Variants in RIPOR2 observed in about 807,000 individuals in gnomAD.
The protein encoded by RIPOR2 is RHO family interacting cell polarization regulator 2.
RIPOR2 carries 39 observed loss-of-function variants against 114.5 expected under a neutral mutation model. The ratio of observed to expected loss-of-function variants is 0.34; its 90% CI spans 0.26 to 0.44. RIPOR2 has a LOEUF of 0.44. Among genes scored for constraint, RIPOR2 ranks in the 20% least tolerant of loss-of-function variants. The pLI is 1.00. For missense variants in RIPOR2, 1,007 were observed against 1,255.1 expected (o/e 0.80, Z 2.99); for synonymous variants, 445 against 484.4 (o/e 0.92, Z 1.07).
At chr6:24,845,284 C>T (rs9467330) in intron 12 of RIPOR2, among the ~76,000 whole-genome samples, 3,728 of 152,132 alleles carry the variant, frequency 0.025, 77 homozygotes, top group East Asian at 0.086. Flanking sequence ...TCTTCCCTCC[C>T]GTATTTGCAC....
At chr6:24,875,125 A>G (rs1765590911) in intron 2 of RIPOR2, among the ~76,000 whole-genome samples, 1 of 152,250 alleles carries the variant, frequency 6.6e-6, no homozygotes, top group South Asian at 2.1e-4. Context: ...AATACAGGTT[A>G]AAGCACATAG....
chr6:24,943,554 C>T (rs773964274), intron 1 of RIPOR2, among the ~76,000 whole-genome samples: 4 of 152,206 alleles, frequency 2.6e-5, no homozygotes, highest in Non-Finnish European at 2.9e-5. Context: ...TGGCCAGTAT[C>T]GACTTTTGCA....
At chr6:24,989,990 C>A (rs1187741227) in intron 1 of RIPOR2, among the ~76,000 whole-genome samples, 2 of 151,860 alleles carry the variant, frequency 1.3e-5, no homozygotes, top group Non-Finnish European at 2.9e-5. Context: ...GAGATCATGC[C>A]ATTGCACTTC....
intron 8 of RIPOR2, among the ~76,000 whole-genome samples, chr6:24,859,486 G>A (rs747053254): frequency 6.6e-5 from 10 of 152,116 alleles, no homozygotes; most frequent in African/African-American, 1.9e-4. Flanking sequence ...ATGGACCTGC[G>A]TGATTTTGGA....
chr6:25,018,837 A>C (rs1229358785), intron 1 of RIPOR2, among the ~76,000 whole-genome samples: 1 of 152,286 alleles, frequency 6.6e-6, no homozygotes, highest in Middle Eastern at 3.4e-3. Context: ...TGTCAGTTGG[A>C]ATCCTCTATT....
At chr6:24,864,927 A>G (rs1459404771) in intron 7 of RIPOR2, among the ~76,000 whole-genome samples, 1 of 152,190 alleles carries the variant, frequency 6.6e-6, no homozygotes, top group Non-Finnish European at 1.5e-5. Flanking sequence ...GACACAAATC[A>G]GGGCAATGTG....
chr6:24,850,606 G>A lies in RIPOR2; in HGVS notation c.876C>T (p.Ile292=), dbSNP rs373160178. 8.7e-6 allele frequency: 14 copies of A among 1,613,794 alleles called. No homozygotes were observed. The African/African-American group carries it at 1.3e-4, about 15-fold the overall frequency. Residue 292 remains isoleucine (I), a synonymous_variant, in exon 10 of 22, where the codon ATC becomes ATT. Coordinates refer to ENST00000643898, the MANE Select transcript of RIPOR2 (RefSeq NM_001286445.3). ...TVFLPLIVGF[I]SIKVTELKGL... ...AATGACAATACTGTACCTTGATGGA[G>A]ATGAACCCAACTATCAGGGGCAGAA... is the stretch of plus-strand genomic sequence containing the variant.
chr6:24,952,621 T>G (rs566987745), intron 1 of RIPOR2, among the ~76,000 whole-genome samples: 2 of 152,274 alleles, frequency 1.3e-5, no homozygotes, highest in South Asian at 4.1e-4. Flanking sequence ...GAGGAGCTGA[T>G]GAGTATTGAG....
At chr6:24,914,939 A>G (rs776591795) in intron 1 of RIPOR2, among the ~76,000 whole-genome samples, 3 of 152,194 alleles carry the variant, frequency 2.0e-5, no homozygotes, top group Non-Finnish European at 2.9e-5. Flanking sequence ...ACCGACCCTT[A>G]TCTATCTATC....
intron 1 of RIPOR2, among the ~76,000 whole-genome samples, chr6:25,028,041 T>A (rs550938882): frequency 3.3e-5 from 5 of 152,324 alleles, no homozygotes; most frequent in African/African-American, 1.2e-4. Flanking sequence ...GAGTGGCCCC[T>A]ACCACCCTCG....
At chr6:24,897,539 T>C (rs111792141) in intron 1 of RIPOR2, among the ~76,000 whole-genome samples, 3 of 152,236 alleles carry the variant, frequency 2.0e-5, no homozygotes, top group African/African-American at 7.2e-5. Context: ...GTATCAAATT[T>C]ACCAGTTATG....
chr6:24,818,908 C>T (rs1759419388), intron 19 of RIPOR2, among the ~76,000 whole-genome samples: 1 of 151,426 alleles, frequency 6.6e-6, no homozygotes, highest in Admixed American at 6.6e-5. Flanking sequence ...TATTGGCCAC[C>T]TAAAGGTAAT....
chr6:24,886,910 C>T (rs1010232118), intron 1 of RIPOR2, among the ~76,000 whole-genome samples: 1 of 152,196 alleles, frequency 6.6e-6, no homozygotes, highest in South Asian at 2.1e-4. Context: ...ATCAATTATT[C>T]CTATAATGAT....
rs147489053 is a variant in RIPOR2 at position 24,935,480 on chromosome 6, C to T, written c.61+358G>A. ...ATTTATTTAACTTCTTCCCTAGCAG[C>T]CCTGCTGTGCTCAAACCACTGTGAC... On this transcript the variant is annotated intron_variant, in intron 1 of 21. Transcript: ENST00000643898. Among the ~76,000 whole-genome samples, 825 of 152,282 alleles carry T rather than the reference C, an allele frequency of 5.4e-3. 5 individuals are homozygous for T. The highest frequency in any genetic ancestry group is 0.01 in the Middle Eastern group (3 of 294).
At chr6:24,991,733 A>G (rs1447952194) in intron 1 of RIPOR2, among the ~76,000 whole-genome samples, 3 of 152,144 alleles carry the variant, frequency 2.0e-5, no homozygotes, top group East Asian at 3.9e-4. Flanking sequence ...TCCCAGACCC[A>G]TATCCAAACC....
intron 1 of RIPOR2, among the ~76,000 whole-genome samples, chr6:25,035,596 T>C (rs1777204855): frequency 6.6e-6 from 1 of 152,116 alleles, no homozygotes. Context: ...TCTGCAACCG[T>C]AGTGCCTCCC....
chr6:24,948,609 G>T (rs369793573), intron 1 of RIPOR2, among the ~76,000 whole-genome samples: 1 of 150,952 alleles, frequency 6.6e-6, no homozygotes, highest in African/African-American at 2.4e-5. Flanking sequence ...TCGGTTCACC[G>T]CAACCTCTGC....
chr6:25,029,362 G>A (rs1428386866), intron 1 of RIPOR2, among the ~76,000 whole-genome samples: 1 of 138,728 alleles, frequency 7.2e-6, no homozygotes, highest in African/African-American at 2.8e-5. Flanking sequence ...CCGAGATCGC[G>A]CCGCTGCACT....
chr6:24,876,977 C>T, intron 1 of RIPOR2: 58 of 985,386 alleles, frequency 5.9e-5, no homozygotes, highest in Non-Finnish European at 6.7e-5. Flanking sequence ...GACTTCAATC[C>T]AGAGAGGGGG....
Sources: allele counts gnomAD v4.1 joint callset (sites outside exome capture counted in the v4.1 genomes callset), GRCh38; gene constraint gnomAD v4.1.1; transcripts MANE v1.5; gene names NCBI Gene and HGNC (gene_info 2026-07-23, HGNC 2026-07-21).